Variants in GDAP1 observed in about 807,000 individuals in gnomAD.
GDAP1 encodes ganglioside induced differentiation associated protein 1.
Under a neutral mutation model 40.1 loss-of-function variants are expected in GDAP1, and 34 were observed. The ratio of observed to expected loss-of-function variants is 0.85; its 90% CI spans 0.64 to 1.13. The LOEUF (loss-of-function observed/expected upper bound fraction) is 1.13, where lower values mean the gene tolerates loss of function less well. Ranked by LOEUF, GDAP1 falls within the 50% of genes most tolerant of loss-of-function variation. The pLI is 0.00. For synonymous variants in GDAP1, 170 were observed against 157.4 expected, an observed-to-expected ratio of 1.08 and a Z score of -0.60; for missense variants, 374 against 433.7, an observed-to-expected ratio of 0.86 and a Z score of 1.22.
intron 2 of GDAP1, among the ~76,000 whole-genome samples, chr8:74,473,223 T>C (rs1348608183): frequency 6.6e-6 from 1 of 152,184 alleles, no homozygotes; most frequent in Non-Finnish European, 1.5e-5. Flanking sequence ...AGTTTGCAAA[T>C]ACTTTCTCCA....
At chr8:74,411,684 C>T (rs1345882001) in intron 2 of GDAP1, among the ~76,000 whole-genome samples, 1 of 146,410 alleles carries the variant, frequency 6.8e-6, no homozygotes, top group African/African-American at 2.7e-5. Context: ...GAGTTTGAAA[C>T]CAGCCTGGGT....
chr8:74,392,963 G>A lies in GDAP1; in HGVS notation c.165+41642G>A, dbSNP rs544117541. Among the ~76,000 whole-genome samples the A allele has an allele frequency of 3.3e-5, 5 of 152,294 alleles. No individual in the cohort carries two copies. The South Asian group carries it at 1.0e-3, about 32-fold the overall frequency. On this transcript the variant is annotated intron_variant, in intron 2 of 2. Coordinates refer to the GDAP1 transcript ENST00000523640. ...TTTTGGCAGTTTGTTACAGAAGCTA[G>A]CGCTATACAGAATCCTAGTAAAATA...
intron 2 of GDAP1, among the ~76,000 whole-genome samples, chr8:74,485,610 A>T (rs1280402875): frequency 6.6e-6 from 1 of 152,084 alleles, no homozygotes; most frequent in Non-Finnish European, 1.5e-5. Context: ...TATTCGGGAG[A>T]GAGTTGAAGT....
At chr8:74,416,956 G>C (rs1188346116) in intron 2 of GDAP1, among the ~76,000 whole-genome samples, 2 of 137,464 alleles carry the variant, frequency 1.5e-5, no homozygotes, top group African/African-American at 6.0e-5. Flanking sequence ...CAGAGGCATA[G>C]TGCACTGCTG....
rs939927259 is a variant in GDAP1 at position 74,401,868 on chromosome 8, G to A, written c.165+50547G>A. On this transcript the variant is annotated intron_variant, in intron 2 of 2. Coordinates refer to the GDAP1 transcript ENST00000523640. ...TCAGCAGCGGTGTCTGCAGAACAGC[G>A]GATTTTCTTGAACCGCGAATGCTGC... Among the ~76,000 whole-genome samples, 30 of 149,934 alleles carry A rather than the reference G, an allele frequency of 2.0e-4. 1 individual carries two copies. Among genetic ancestry groups the A allele is most frequent in the Non-Finnish European group, 2.6e-4 (18 of 68,020 alleles).
chr8:74,418,082 A>C (rs1199924971), intron 2 of GDAP1, among the ~76,000 whole-genome samples: 1 of 152,210 alleles, frequency 6.6e-6, no homozygotes, highest in East Asian at 1.9e-4. Flanking sequence ...TGGATTGGGA[A>C]TCTCAACATT....
At chr8:74,427,682 G>A (rs182295099) in intron 2 of GDAP1, among the ~76,000 whole-genome samples, 4 of 152,130 alleles carry the variant, frequency 2.6e-5, no homozygotes, top group Admixed American at 2.0e-4. Context: ...CATTTGCTAA[G>A]AAATGAGATA....
intron 2 of GDAP1, among the ~76,000 whole-genome samples, chr8:74,352,859 G>A (rs1808944661): frequency 6.6e-6 from 1 of 152,030 alleles, no homozygotes; most frequent in Admixed American, 6.6e-5. Flanking sequence ...AAATAATTGT[G>A]TTAATAAATC....
In GDAP1 at chr8:74,365,004, T is replaced by C; in HGVS notation, c.*637T>C. The C allele has an allele frequency of 2.2e-6, 1 of 454,138 alleles. No individual in the cohort carries two copies. Among genetic ancestry groups the C allele is most frequent in the Non-Finnish European group, 4.4e-6 (1 of 226,798 alleles). 28.1% of individuals were successfully genotyped at this position (454,138 alleles called of 1,614,324 possible). On this transcript the variant is annotated 3_prime_UTR_variant, in exon 6 of 6. Coordinates refer to ENST00000220822, the MANE Select transcript of GDAP1 (RefSeq NM_018972.4). Reference sequence around the variant, plus strand: ...ATGGTCCGCAATTTGAATTACCAAGTGGTAATGGTTCCTTACTGTTTTAGA... The same window carrying C: ...ATGGTCCGCAATTTGAATTACCAAGCGGTAATGGTTCCTTACTGTTTTAGA...
intron 2 of GDAP1, among the ~76,000 whole-genome samples, chr8:74,432,840 ATTG>A (rs1806044502): frequency 6.6e-6 from 1 of 152,150 alleles, no homozygotes; most frequent in Admixed American, 6.5e-5. Flanking sequence ...TATCAATATT[ATTG>A]TTAATTTAAA....
chr8:74,412,508 A>G (rs1423717482), intron 2 of GDAP1, among the ~76,000 whole-genome samples: 1 of 150,282 alleles, frequency 6.7e-6, no homozygotes, highest in Non-Finnish European at 1.5e-5. Flanking sequence ...AGAAAAAATC[A>G]TGTTACTTAA....
At chr8:74,417,210 A>C (rs116675166) in intron 2 of GDAP1, among the ~76,000 whole-genome samples, 2 of 149,940 alleles carry the variant, frequency 1.3e-5, no homozygotes, top group Non-Finnish European at 2.9e-5. Flanking sequence ...TGATTTATTC[A>C]TGATAAAAAC....
At chr8:74,390,492 T>A (rs189314895) in intron 2 of GDAP1, among the ~76,000 whole-genome samples, 2 of 152,212 alleles carry the variant, frequency 1.3e-5, no homozygotes, top group Non-Finnish European at 1.5e-5. Flanking sequence ...CCTGTTTCCC[T>A]GGGTATCACC....
chr8:74,350,495 C>T lies in GDAP1; in HGVS notation c.34C>T (p.Pro12Ser). 2 of 1,613,344 alleles carry T rather than the reference C, an allele frequency of 1.2e-6. No individual in the cohort carries two copies. The highest frequency in any genetic ancestry group is 1.7e-6 in the Non-Finnish European group (2 of 1,179,470). Residue 12 changes from proline to serine, a missense_variant, in exon 1 of 6, where the codon CCG becomes TCG. Coordinates refer to ENST00000220822, the MANE Select transcript of GDAP1 (RefSeq NM_018972.4). ...GAGGCAGGAAGAGCAGAGAGGGAGC[C>T]CGCCCTTGAGGGCGGAAGGCAAGGC... ...AERQEEQRGS[P>S]PLRAEGKADA...
chr8:74,366,893 C>G (rs1299604766), downstream of GDAP1: 1 of 393,034 alleles, frequency 2.5e-6, no homozygotes, highest in Non-Finnish European at 4.9e-6. Flanking sequence ...ACTTTGTAAT[C>G]TTTTTTGGAA....
At chr8:74,471,704 A>AT (rs1166985954) in intron 2 of GDAP1, among the ~76,000 whole-genome samples, 6 of 152,108 alleles carry the variant, frequency 3.9e-5, no homozygotes, top group African/African-American at 1.4e-4. Context: ...ATAACCACTG[A>AT]TATACTGCTT....
chr8:74,482,681 A>C (rs991250128), intron 2 of GDAP1, among the ~76,000 whole-genome samples: 4 of 152,178 alleles, frequency 2.6e-5, no homozygotes, highest in African/African-American at 9.7e-5. Context: ...TCTCCACGAC[A>C]CATGCATATG....
chr8:74,379,681 C>A (rs1809917286), intron 2 of GDAP1, among the ~76,000 whole-genome samples: 1 of 152,182 alleles, frequency 6.6e-6, no homozygotes, highest in South Asian at 2.1e-4. Flanking sequence ...TGCTCTGCAT[C>A]TTAACATAGC....
In GDAP1 at chr8:74,424,401, T is replaced by G. The variant is rs1490346661; in HGVS notation, c.166-64277T>G. Among the ~76,000 whole-genome samples, 4 of 152,122 alleles carry G rather than the reference T, an allele frequency of 2.6e-5. No individual in the cohort carries two copies. In the East Asian group the frequency reaches 7.7e-4, roughly 29 times the overall value. ...CTTTCCTGAGTTTGCTCATGATCCA[T>G]TCTGTCTTCATTTAGCCTCCAAGAT... is the stretch of plus-strand genomic sequence containing the variant. On this transcript the variant is annotated intron_variant, in intron 2 of 2. Transcript: ENST00000523640.
Sources: gnomAD v4.1 joint callset for allele counts (sites outside exome capture counted in the v4.1 genomes callset) on GRCh38, gnomAD v4.1.1 for gene constraint, MANE v1.5 for transcripts, NCBI Gene and HGNC (gene_info 2026-07-23, HGNC 2026-07-21) for gene names.